Variants in PDLIM5 observed in about 807,000 individuals in gnomAD.
The protein encoded by PDLIM5 is PDZ and LIM domain protein 5.
In PDLIM5, 34 loss-of-function variants were observed where a neutral mutation model predicts 64.2. The ratio of observed to expected loss-of-function variants is 0.53; its 90% CI spans 0.40 to 0.71. PDLIM5 has a LOEUF of 0.71. PDLIM5 is among the 30% of genes least tolerant of loss of function. The probability of loss-of-function intolerance (pLI) is 0.00; values close to 1 mark genes in which losing one functional copy is unlikely to be tolerated. For missense variants in PDLIM5, 683 were observed against 733.6 expected (o/e 0.93, Z 0.80); for synonymous variants, 253 against 269.1 (o/e 0.94, Z 0.59).
intron 7 of PDLIM5, among the ~76,000 whole-genome samples, chr4:94,592,817 C>G (rs1736771400): frequency 6.6e-6 from 1 of 151,998 alleles, no homozygotes; most frequent in Admixed American, 6.6e-5. Flanking sequence ...CAGGATTTTG[C>G]CATGTTGCCC....
chr4:94,604,581 C>T (rs1001015504), intron 7 of PDLIM5, among the ~76,000 whole-genome samples: 1 of 152,106 alleles, frequency 6.6e-6, no homozygotes, highest in African/African-American at 2.4e-5. Flanking sequence ...TTGCAGTGAG[C>T]CGGGATTGTG....
At chr4:94,599,670 A>C (rs910077686) in intron 7 of PDLIM5, among the ~76,000 whole-genome samples, 1 of 152,164 alleles carries the variant, frequency 6.6e-6, no homozygotes, top group African/African-American at 2.4e-5. Context: ...ATGATTATTG[A>C]AATAATCATG....
rs538724959 is a variant in PDLIM5 at position 94,513,840 on chromosome 4, G to A, written c.97-9884G>A. Among the ~76,000 whole-genome samples the A allele has an allele frequency of 5.3e-5, 8 of 152,210 alleles. No homozygotes were observed. The South Asian group carries it at 1.5e-3, about 28-fold the overall frequency. On this transcript the variant is annotated intron_variant, in intron 2 of 12. Transcript: ENST00000317968. ...AAGGTTTTCAGTTTTTCCCCATTCAGTATGATACTAGCTGTGGGTCTGTCA... is the reference window on the plus strand; with the variant it reads ...AAGGTTTTCAGTTTTTCCCCATTCAATATGATACTAGCTGTGGGTCTGTCA...
chr4:94,532,141 T>A (rs1193936545), intron 3 of PDLIM5, among the ~76,000 whole-genome samples: 2 of 152,186 alleles, frequency 1.3e-5, no homozygotes, highest in African/African-American at 4.8e-5. Flanking sequence ...TTCTGGAATT[T>A]TTTAAAAAAT....
intron 7 of PDLIM5, among the ~76,000 whole-genome samples, chr4:94,606,932 C>T (rs528484548): frequency 6.6e-5 from 10 of 152,272 alleles, no homozygotes; most frequent in East Asian, 3.9e-4. Flanking sequence ...ATTGTTATTT[C>T]GATTTTCTTA....
chr4:94,585,637 G>T lies in PDLIM5; in HGVS notation c.783G>T (p.Lys261Asn). ...YHVPTHSDAS[K>N]KRLIEDTEDW... ...TACCCACTCACAGTGATGCCAGCAA[G>T]AAGAGACTGATTGAGGATACTGAAG... The change falls in exon 6 of 13, where the codon AAG (lysine) becomes AAT (asparagine). Residue 261 changes from lysine to asparagine, a missense_variant. Physicochemically the swap from Lys to Asn is moderately conservative, Grantham distance 94. Transcript: ENST00000317968. 1 of 1,612,896 alleles carries T rather than the reference G, an allele frequency of 6.2e-7. No individual in the cohort carries two copies. Among genetic ancestry groups the T allele is most frequent in the East Asian group, 2.2e-5 (1 of 44,818 alleles).
intron 3 of PDLIM5, among the ~76,000 whole-genome samples, chr4:94,548,891 C>G (rs773552725): frequency 6.6e-6 from 1 of 151,934 alleles, no homozygotes; most frequent in Non-Finnish European, 1.5e-5. Context: ...AAATAAATAC[C>G]TGACTCACAA....
chr4:94,548,874 T>C (rs1240026778), intron 3 of PDLIM5, among the ~76,000 whole-genome samples: 5 of 152,138 alleles, frequency 3.3e-5, no homozygotes, highest in Non-Finnish European at 5.9e-5. Flanking sequence ...TTCTTCCTTA[T>C]ATGTATAAAT....
rs765814365 is a variant in PDLIM5, at chr4:94,592,904, G to C, written c.920+6460G>C. 3.9e-5 allele frequency among the ~76,000 whole-genome samples: 6 copies of C among 152,016 alleles called. No individual in the cohort carries two copies. In the East Asian group the frequency reaches 7.7e-4, roughly 20 times the overall value. On this transcript the variant is annotated intron_variant, in intron 7 of 12. Transcript: ENST00000317968. ...TAGGATCGTCGGTGTGAGCCATTGC[G>C]TCTGGCCTAGATTTTCTTATTCCTT...
intron 8 of PDLIM5, among the ~76,000 whole-genome samples, chr4:94,630,050 C>T (rs916213852): frequency 8.5e-5 from 13 of 152,148 alleles, no homozygotes; most frequent in African/African-American, 3.1e-4. Flanking sequence ...GAGAAGAAAG[C>T]ACTTGCTGCA....
chr4:94,591,073 A>G (rs886298793), intron 7 of PDLIM5, among the ~76,000 whole-genome samples: 1 of 152,216 alleles, frequency 6.6e-6, no homozygotes, highest in African/African-American at 2.4e-5. Context: ...CAGAGCATAC[A>G]TAAAGCCATA....
chr4:94,611,737 A>G (rs1254799341), intron 7 of PDLIM5, among the ~76,000 whole-genome samples: 1 of 152,262 alleles, frequency 6.6e-6, no homozygotes, highest in Non-Finnish European at 1.5e-5. Flanking sequence ...ATATAAAAAT[A>G]AAACTATCAC....
chr4:94,543,684 G>A (rs577360504), intron 3 of PDLIM5, among the ~76,000 whole-genome samples: 1 of 152,182 alleles, frequency 6.6e-6, no homozygotes, highest in South Asian at 2.1e-4. Context: ...TTGTCTGTGT[G>A]TGGCTTATTT....
Position 94,574,714 on chromosome 4 carries a change from A to G in PDLIM5, c.292-902A>G, listed in dbSNP as rs539438720. Among the ~76,000 whole-genome samples the G allele has an allele frequency of 1.0e-3, 157 of 152,130 alleles. 1 individual carries two copies. Among genetic ancestry groups the G allele is most frequent in the Non-Finnish European group, 1.8e-3 (123 of 68,000 alleles). ...TTGAATGTTGTAGAAGCTTAGTCTG[A>G]TTTTGTTTAACTTTAAATATGCTTT... On this transcript the variant is annotated intron_variant, in intron 4 of 12. Transcript: ENST00000317968.
At chr4:94,539,274 T>C (rs949734400) in intron 3 of PDLIM5, among the ~76,000 whole-genome samples, 2 of 152,220 alleles carry the variant, frequency 1.3e-5, no homozygotes, top group Non-Finnish European at 2.9e-5. Flanking sequence ...TATGTGTCTA[T>C]TTATAATATG....
chr4:94,479,330 CTT>C (rs34176254), intron 2 of PDLIM5, among the ~76,000 whole-genome samples: 9 of 130,944 alleles, frequency 6.9e-5, no homozygotes, highest in Non-Finnish European at 1.2e-4. Flanking sequence ...AGCTTTGAGA[CTT>C]TTTTTTTTTT....
intron 11 of PDLIM5, among the ~76,000 whole-genome samples, chr4:94,657,768 C>T (rs1332674893): frequency 1.3e-5 from 2 of 151,954 alleles, no homozygotes; most frequent in Non-Finnish European, 2.9e-5. Flanking sequence ...GTGCAATGGC[C>T]CAATCTCGGC....
At chr4:94,455,984 T>C in intron 2 of PDLIM5, 1 of 1,459,152 alleles carries the variant, frequency 6.9e-7, no homozygotes, top group East Asian at 2.5e-5. Flanking sequence ...TGTGTATATA[T>C]TTTAAGGATA....
intron 8 of PDLIM5, among the ~76,000 whole-genome samples, chr4:94,632,323 G>A (rs1414689708): frequency 1.3e-5 from 2 of 152,176 alleles, no homozygotes. Context: ...CCTTTCAGAA[G>A]TTTATATTCT....
Sources: allele counts gnomAD v4.1 joint callset (sites outside exome capture counted in the v4.1 genomes callset), GRCh38; gene constraint gnomAD v4.1.1; transcripts MANE v1.5; gene names NCBI Gene and HGNC (gene_info 2026-07-23, HGNC 2026-07-21).